The following DPYD variants were observed in gnomAD, a reference collection of about 807,000 sequenced individuals.
The protein encoded by DPYD is dihydropyrimidine dehydrogenase [NADP(+)].
A neutral mutation model predicts 116.2 loss-of-function variants in DPYD; 109 were observed. The observed-to-expected ratio is 0.94, with a 90% CI of 0.80 to 1.10. The LOEUF is 1.10. Ranked by LOEUF, DPYD falls within the 50% of genes least tolerant of loss-of-function variation. The pLI, the probability that DPYD is intolerant of heterozygous loss-of-function variation, is 0.00. For missense variants in DPYD, 1,302 were observed against 1,254.5 expected (o/e 1.04, Z -0.57); for synonymous variants, 440 against 432.0 (o/e 1.02, Z -0.23).
At chr1:97,500,742 C>A (rs1010049639) in intron 13 of DPYD, among the ~76,000 whole-genome samples, 4 of 152,070 alleles carry the variant, frequency 2.6e-5, no homozygotes, top group Non-Finnish European at 4.4e-5. Context: ...TTGCTCACTG[C>A]AGAATAGCTG....
chr1:97,567,551 C>G (rs897421205), intron 11 of DPYD, among the ~76,000 whole-genome samples: 1 of 152,112 alleles, frequency 6.6e-6, no homozygotes, highest in African/African-American at 2.4e-5. Context: ...GTGCCCTGAG[C>G]TCAGTCACCT....
chr1:97,869,562 A>C (rs1391257435), intron 2 of DPYD, among the ~76,000 whole-genome samples: 1 of 151,760 alleles, frequency 6.6e-6, no homozygotes, highest in African/African-American at 2.4e-5. Context: ...CTAAAAGCAG[A>C]CATAAATTTC....
rs1570880419 is a variant in DPYD, at chr1:97,515,768, A to T, written c.1698T>A (p.Ala566=). 1 of 1,612,874 alleles carries T rather than the reference A, an allele frequency of 6.2e-7. No individual in the cohort carries two copies. Among genetic ancestry groups the T allele is most frequent in the East Asian group, 2.2e-5 (1 of 44,848 alleles). The change falls in exon 13 of 23, where the codon GCT becomes GCA. Residue 566 remains alanine, a synonymous_variant. Transcript: ENST00000370192. ...STSMIRRAFE[A]GWGFALTKTF... is the part of the protein sequence containing the mutation. ...TTTTGGTGAGGGCAAAACCCCATCC[A>T]GCTTCAAAAGCTCTTCGAATCATTG...
chr1:97,158,086 G>C (rs1346158215), intron 20 of DPYD, among the ~76,000 whole-genome samples: 1 of 152,050 alleles, frequency 6.6e-6, no homozygotes, highest in Non-Finnish European at 1.5e-5. Context: ...TACACTGATA[G>C]CAAGTAGTAT....
chr1:97,705,819 C>G (rs923521283), intron 5 of DPYD, among the ~76,000 whole-genome samples: 2 of 151,854 alleles, frequency 1.3e-5, no homozygotes, highest in Non-Finnish European at 2.9e-5. Context: ...TTTTAATGAT[C>G]GCCATTCTAA....
At chr1:97,157,000 A>G (rs996848389) in intron 20 of DPYD, among the ~76,000 whole-genome samples, 6 of 150,974 alleles carry the variant, frequency 4.0e-5, no homozygotes, top group African/African-American at 1.5e-4. Flanking sequence ...CATCATTCTC[A>G]GTAAACTATC....
chr1:97,257,628 TA>T (rs1557978153), intron 18 of DPYD, among the ~76,000 whole-genome samples: 3 of 151,932 alleles, frequency 2.0e-5, no homozygotes, highest in Admixed American at 2.0e-4. Flanking sequence ...TTTTTCAATT[TA>T]AAAAAAGTTT....
intron 19 of DPYD, among the ~76,000 whole-genome samples, chr1:97,222,755 A>C (rs899647120): frequency 1.3e-5 from 2 of 152,098 alleles, no homozygotes; most frequent in African/African-American, 4.8e-5. Context: ...TAAAGTTGTA[A>C]GTGAAACATT....
intron 5 of DPYD, chr1:97,720,776 C>T: frequency 4.7e-6 from 7 of 1,496,118 alleles, no homozygotes; most frequent in Non-Finnish European, 6.2e-6. Flanking sequence ...TAAAATCTTA[C>T]TATACCCTTC....
intron 8 of DPYD, among the ~76,000 whole-genome samples, chr1:97,595,606 T>C (rs1446757804): frequency 6.6e-6 from 1 of 151,580 alleles, no homozygotes; most frequent in Non-Finnish European, 1.5e-5. Context: ...AAGAAAAAAA[T>C]TAAAGGAAAA....
intron 3 of DPYD, among the ~76,000 whole-genome samples, chr1:97,742,555 C>T (rs1480011698): frequency 1.3e-5 from 2 of 152,050 alleles, no homozygotes; most frequent in Non-Finnish European, 2.9e-5. Context: ...TCATACTTAA[C>T]GTTTTTTCCC....
chr1:97,173,701 A>T (rs1657053021), intron 20 of DPYD, among the ~76,000 whole-genome samples: 1 of 151,052 alleles, frequency 6.6e-6, no homozygotes, highest in African/African-American at 2.4e-5. Context: ...AAATCCAAAC[A>T]CTAAAGTTTC....
chr1:97,264,021 T>C (rs1664056544), intron 18 of DPYD, among the ~76,000 whole-genome samples: 1 of 151,998 alleles, frequency 6.6e-6, no homozygotes, highest in South Asian at 2.1e-4. Flanking sequence ...TTTTCTAAAA[T>C]AATGACTAAA....
chr1:97,463,175 C>T (rs928028847), intron 13 of DPYD, among the ~76,000 whole-genome samples: 13 of 152,200 alleles, frequency 8.5e-5, no homozygotes, highest in Admixed American at 8.5e-4. Context: ...TCACCCAAAT[C>T]TCATCTTGAA....
At position 97,464,737 on chromosome 1, in the gene DPYD, T is replaced by A. The variant is rs557375830; in HGVS notation, c.1741-14514A>T. On this transcript the variant is annotated intron_variant, in intron 13 of 22. Coordinates refer to ENST00000370192, the MANE Select transcript of DPYD (RefSeq NM_000110.4). ...CTAGATTTCAGAGGATGTATGGAAA[T>A]GCTTGGATGCCCAGGGCAGCAAAAG... Among the ~76,000 whole-genome samples, 39 of 152,276 alleles carry A rather than the reference T, an allele frequency of 2.6e-4. No individual in the cohort carries two copies. In the South Asian group the frequency reaches 7.7e-3, roughly 30 times the overall value.
chr1:97,745,254 G>GA (rs1300259025), intron 3 of DPYD, among the ~76,000 whole-genome samples: 16 of 152,136 alleles, frequency 1.1e-4, no homozygotes, highest in African/African-American at 3.6e-4. Context: ...GAAAATAACT[G>GA]AATTTTTAAT....
intron 2 of DPYD, among the ~76,000 whole-genome samples, chr1:97,857,524 T>C (rs915057746): frequency 3.9e-5 from 6 of 152,100 alleles, no homozygotes; most frequent in Non-Finnish European, 8.8e-5. Flanking sequence ...GAAGCCTCCA[T>C]AAAAACCCAA....
At chr1:97,240,955 T>G (rs1015048441) in intron 18 of DPYD, among the ~76,000 whole-genome samples, 5 of 152,114 alleles carry the variant, frequency 3.3e-5, no homozygotes, top group East Asian at 1.9e-4. Context: ...ACTGAAGTAC[T>G]AAAAGGATCT....
intron 20 of DPYD, among the ~76,000 whole-genome samples, chr1:97,191,103 AAAGC>A (rs1231942415): frequency 1.2e-5 from 1 of 86,042 alleles, no homozygotes; most frequent in South Asian, 6.7e-4. Flanking sequence ...CACACACACA[AAAGC>A]AGCAGCAACA....
Sources: gnomAD v4.1 joint callset for allele counts (sites outside exome capture counted in the v4.1 genomes callset) on GRCh38, gnomAD v4.1.1 for gene constraint, MANE v1.5 for transcripts, NCBI Gene and HGNC (gene_info 2026-07-23, HGNC 2026-07-21) for gene names.